Variants in NUP160 observed in about 807,000 individuals in gnomAD.
NUP160 encodes the protein nucleoporin 160.
Under a neutral mutation model 196.9 loss-of-function variants are expected in NUP160, and 94 were observed. The observed-to-expected ratio is 0.48, with a 90% CI of 0.40 to 0.57. NUP160 has a LOEUF of 0.57. NUP160 is among the 20% of genes least tolerant of loss of function. The pLI is 0.00. For synonymous variants in NUP160, 605 were observed against 619.7 expected, an observed-to-expected ratio of 0.98 and a Z score of 0.35; for missense variants, 1,638 against 1,748.3, an observed-to-expected ratio of 0.94 and a Z score of 1.13.
chr11:47,815,868 A>G (rs2097684129), intron 12 of NUP160, 78 bp downstream of exon 12: 3 of 1,155,656 alleles, frequency 2.6e-6, no homozygotes, highest in East Asian at 4.8e-5. Context: ...GAAGAATTCC[A>G]GTAATTCCTC....
At chr11:47,804,701 A>C in intron 20 of NUP160, 83 bp from the exon 21 acceptor site, 1 of 873,440 alleles carries the variant, frequency 1.1e-6, no homozygotes, top group Non-Finnish European at 1.7e-6. Context: ...AGAAAAGTCC[A>C]TAAAATAGCT....
intron 28 of NUP160, chr11:47,792,398 GCA>G (rs1438899248): frequency 3.2e-5 from 7 of 218,958 alleles, no homozygotes; most frequent in East Asian, 1.2e-4. Flanking sequence ...CATTTACTGA[GCA>G]CAGTTTGTGG....
chr11:47,820,548 T>C (rs1269031703), intron 9 of NUP160, among the ~76,000 whole-genome samples: 1 of 151,838 alleles, frequency 6.6e-6, no homozygotes, highest in Non-Finnish European at 1.5e-5. Context: ...ATTTTATTTA[T>C]TTATATTTAT....
At chr11:47,811,724 G>C (rs758484963) in intron 17 of NUP160, among the ~76,000 whole-genome samples, 1 of 152,042 alleles carries the variant, frequency 6.6e-6, no homozygotes, top group Non-Finnish European at 1.5e-5. Context: ...GTGCAGGTTT[G>C]TTACGTAGGT....
Position 47,837,642 on chromosome 11 carries a change from C to T in NUP160, c.749-19G>A, listed in dbSNP as rs1341556258. On this transcript the variant is annotated intron_variant, in intron 4 of 35. Coordinates refer to ENST00000378460, the Ensembl canonical transcript of NUP160. Reference sequence around the variant, plus strand: ...ACCATACCTGCAATGATATCCAAGGCACCTCTTGAACACACTTAGAGAAAC... The same window carrying T: ...ACCATACCTGCAATGATATCCAAGGTACCTCTTGAACACACTTAGAGAAAC... 2 of 1,604,422 alleles carry T rather than the reference C, an allele frequency of 1.2e-6. No individual in the cohort carries two copies. Among genetic ancestry groups the T allele is most frequent in the Non-Finnish European group, 1.7e-6 (2 of 1,171,166 alleles).
intron 34 of NUP160, among the ~76,000 whole-genome samples, chr11:47,781,598 C>A (rs1005761487): frequency 6.6e-6 from 1 of 152,104 alleles, no homozygotes; most frequent in Non-Finnish European, 1.5e-5. Flanking sequence ...GTTAACTACA[C>A]CTATTTAGAC....
At chr11:47,809,630 C>A (rs570629743) in intron 17 of NUP160, among the ~76,000 whole-genome samples, 25 of 151,072 alleles carry the variant, frequency 1.7e-4, no homozygotes, top group Non-Finnish European at 2.9e-4. Flanking sequence ...CATCTGTAAT[C>A]CCAGCTACCT....
At chr11:47,788,082 G>T (rs1277238812) in intron 31 of NUP160, 100 bp downstream of exon 31, 1 of 971,482 alleles carries the variant, frequency 1.0e-6, no homozygotes, top group East Asian at 2.4e-5. Context: ...AATCATAAAT[G>T]ATATATGGGC....
intron 33 of NUP160, among the ~76,000 whole-genome samples, chr11:47,784,063 CA>C (rs1407537455): frequency 4.0e-5 from 6 of 150,920 alleles, no homozygotes; most frequent in African/African-American, 1.2e-4. Context: ...CAAAAAAAAC[CA>C]AAAAAAACTT....
At position 47,824,008 on chromosome 11, in the gene NUP160, CATATATATATATAT is replaced by C. The variant is rs58246222; in HGVS notation, c.1102-1858_1102-1845del. Among the ~76,000 whole-genome samples, 616 of 73,122 alleles carry C rather than the reference CATATATATATATAT, an allele frequency of 8.4e-3. 21 individuals carry two copies. The highest frequency in any genetic ancestry group is 0.036 in the African/African-American group (569 of 16,000). The allele number at this position is 73,122 out of a possible 152,430, so 48.0% of individuals were successfully genotyped here. ...TGAGACCCTGCTTTCAATTCTTTTG[CATATATATATATAT>C]ATATATATATATATATATATATATA... On this transcript the variant is annotated intron_variant, in intron 7 of 35. Coordinates refer to ENST00000378460, the Ensembl canonical transcript of NUP160.
chr11:47,821,539 T>G (rs1324305527), intron 9 of NUP160, 185 bp downstream of exon 9: 1 of 520,548 alleles, frequency 1.9e-6, no homozygotes, highest in African/African-American at 1.9e-5. Context: ...ATTTTTTGTG[T>G]TTTTAGTAGA....
intron 20 of NUP160, among the ~76,000 whole-genome samples, chr11:47,805,909 C>T (rs1252881107): frequency 6.6e-6 from 1 of 151,992 alleles, no homozygotes; most frequent in Non-Finnish European, 1.5e-5. Flanking sequence ...CAACCTCCAC[C>T]TCCCAAGTTC....
At chr11:47,781,952 T>C (rs1230179367) in intron 34 of NUP160, among the ~76,000 whole-genome samples, 1 of 152,078 alleles carries the variant, frequency 6.6e-6, no homozygotes, top group African/African-American at 2.4e-5. Flanking sequence ...TTCAATTTAC[T>C]CTCAGATTCT....
chr11:47,805,849 C>G (rs2097677255), intron 20 of NUP160, among the ~76,000 whole-genome samples: 1 of 151,754 alleles, frequency 6.6e-6, no homozygotes, highest in Admixed American at 6.6e-5. Context: ...GAGAAGGAGT[C>G]TTGCTCTGCC....
chr11:47,820,445 T>C (rs1851834090), intron 9 of NUP160, among the ~76,000 whole-genome samples: 1 of 152,208 alleles, frequency 6.6e-6, no homozygotes, highest in East Asian at 1.9e-4. Context: ...ATACTACACA[T>C]TCATAGCTCA....
intron 31 of NUP160, among the ~76,000 whole-genome samples, chr11:47,787,724 CTTCTT>C (rs1233394255): frequency 6.9e-6 from 1 of 145,822 alleles, no homozygotes; most frequent in Non-Finnish European, 1.5e-5. Context: ...AGAAATTCTT[CTTCTT>C]TTTTTTGAGA....
intron 29 of NUP160, among the ~76,000 whole-genome samples, chr11:47,790,045 A>G (rs565295138): frequency 2.8e-4 from 42 of 151,024 alleles, no homozygotes; most frequent in African/African-American, 1.0e-3. Context: ...TCCTGGGTAC[A>G]AGTGATGTTT....
chr11:47,813,206 T>TAA, intron 14 of NUP160, 110 bp downstream of exon 14: 2 of 1,010,358 alleles, frequency 2.0e-6, no homozygotes, highest in African/African-American at 3.2e-5. Context: ...TGTGGTGTGG[T>TAA]AAAGTGACCA....
chr11:47,817,132 C>T lies in NUP160; in HGVS notation c.1431+924G>A, dbSNP rs1851744497. 2.0e-5 allele frequency among the ~76,000 whole-genome samples: 3 copies of T among 151,760 alleles called. No individual in the cohort carries two copies. The South Asian group carries it at 6.2e-4, about 32-fold the overall frequency. On this transcript the variant is annotated intron_variant, in intron 11 of 35. Coordinates refer to ENST00000378460, the Ensembl canonical transcript of NUP160. ...CTGGGACCACAGGTGCATGCCACCA[C>T]ACCTGGCTATTTTTCTATTATTATT...
Sources: gnomAD v4.1 joint callset for allele counts (sites outside exome capture counted in the v4.1 genomes callset) on GRCh38, gnomAD v4.1.1 for gene constraint, MANE v1.5 for transcripts, NCBI Gene and HGNC (gene_info 2026-07-23, HGNC 2026-07-21) for gene names.